The following COX7B2 variants were observed in gnomAD, a reference collection of about 807,000 sequenced individuals.
COX7B2 encodes the protein cytochrome c oxidase subunit 7B2.
For missense variants in COX7B2, 109 were observed against 95.9 expected (o/e 1.14, Z -0.57); for synonymous variants, 37 against 32.1 (o/e 1.15, Z -0.51).
chr4:46,866,029 T>C (rs1332160538), intron 1 of COX7B2, among the ~76,000 whole-genome samples: 2 of 152,166 alleles, frequency 1.3e-5, no homozygotes, highest in Admixed American at 6.5e-5. Flanking sequence ...TTTGCATCCA[T>C]TGCTGTGTTA....
At chr4:46,794,418 A>C (rs1017836453) in intron 2 of COX7B2, among the ~76,000 whole-genome samples, 5 of 152,164 alleles carry the variant, frequency 3.3e-5, no homozygotes, top group Non-Finnish European at 7.4e-5. Context: ...TTTAATATAT[A>C]GGAAGGTATT....
At chr4:46,778,210 C>T (rs979420343) in intron 2 of COX7B2, among the ~76,000 whole-genome samples, 1 of 152,106 alleles carries the variant, frequency 6.6e-6, no homozygotes, top group African/African-American at 2.4e-5. Context: ...TTTCAAGATT[C>T]TTTCTCAGAA....
chr4:46,841,777 G>A (rs532319455), intron 2 of COX7B2, among the ~76,000 whole-genome samples: 2 of 151,932 alleles, frequency 1.3e-5, no homozygotes, highest in Non-Finnish European at 2.9e-5. Flanking sequence ...GAGCTACTTA[G>A]TAGCCTTCAA....
chr4:46,768,100 T>C (rs1375127571), intron 2 of COX7B2, among the ~76,000 whole-genome samples: 21 of 152,298 alleles, frequency 1.4e-4, no homozygotes, highest in African/African-American at 5.1e-4. Flanking sequence ...TGTCCACGGA[T>C]TGCGTAAGTG....
intron 2 of COX7B2, among the ~76,000 whole-genome samples, chr4:46,801,127 T>C (rs1296396954): frequency 6.6e-6 from 1 of 152,188 alleles, no homozygotes; most frequent in Non-Finnish European, 1.5e-5. Context: ...AAAATGTTTA[T>C]ATATTCCTGG....
At chr4:46,792,940 A>C (rs1718127013) in intron 2 of COX7B2, among the ~76,000 whole-genome samples, 1 of 152,246 alleles carries the variant, frequency 6.6e-6, no homozygotes, top group South Asian at 2.1e-4. Flanking sequence ...AAATATCTGC[A>C]TTGGATACAC....
At chr4:46,737,772 C>A (rs1714450987) in intron 2 of COX7B2, among the ~76,000 whole-genome samples, 1 of 152,074 alleles carries the variant, frequency 6.6e-6, no homozygotes, top group Admixed American at 6.6e-5. Flanking sequence ...ACATAGGCAA[C>A]ACAGATATAA....
At chr4:46,780,738 A>C (rs1270211784) in intron 2 of COX7B2, among the ~76,000 whole-genome samples, 3 of 152,186 alleles carry the variant, frequency 2.0e-5, no homozygotes, top group African/African-American at 7.2e-5. Context: ...CTCCATAAAA[A>C]GACTAACTTT....
chr4:46,818,458 C>T (rs1003682893), intron 2 of COX7B2, among the ~76,000 whole-genome samples: 8 of 151,796 alleles, frequency 5.3e-5, no homozygotes, highest in African/African-American at 1.7e-4. Context: ...ACAGTGAAAC[C>T]CCGTCTCTAC....
At chr4:46,865,712 G>A (rs145972648) in intron 1 of COX7B2, among the ~76,000 whole-genome samples, 61 of 152,246 alleles carry the variant, frequency 4.0e-4, no homozygotes, top group African/African-American at 1.4e-3. Flanking sequence ...AATTCAGTGT[G>A]GGTGGGAGAA....
intron 1 of COX7B2, among the ~76,000 whole-genome samples, chr4:46,891,191 C>A (rs1425682991): frequency 3.9e-5 from 6 of 152,136 alleles, no homozygotes; most frequent in Non-Finnish European, 8.8e-5. Flanking sequence ...ATGGTAGAAA[C>A]AGATTTGGCA....
intron 2 of COX7B2, among the ~76,000 whole-genome samples, chr4:46,831,279 G>A (rs909257844): frequency 6.6e-6 from 1 of 152,154 alleles, no homozygotes; most frequent in Non-Finnish European, 1.5e-5. Context: ...TCCCCACACA[G>A]CAGCGCTCAG....
At chr4:46,781,815 G>A (rs186997246) in intron 2 of COX7B2, among the ~76,000 whole-genome samples, 39 of 152,350 alleles carry the variant, frequency 2.6e-4, no homozygotes, top group African/African-American at 8.2e-4. Flanking sequence ...GAGAGGCTTA[G>A]CACCCAAGCC....
Position 46,735,117 on chromosome 4 carries a change from T to C in COX7B2, c.76A>G (p.Ser26Gly). The C allele has an allele frequency of 6.2e-7, 1 of 1,613,696 alleles. No individual in the cohort carries two copies. Among genetic ancestry groups the C allele is most frequent in the Non-Finnish European group, 8.5e-7 (1 of 1,179,664 alleles). ...QSILQSMARH[S>G]HVKHSPDFHD... Reference sequence around the variant, plus strand: ...AAATCTGGTGAGTGTTTTACATGGCTATGTCTTGCCATGCTTTGCAGAATG... The same window carrying C: ...AAATCTGGTGAGTGTTTTACATGGCCATGTCTTGCCATGCTTTGCAGAATG... The change falls in exon 3 of 3, where the codon AGC becomes GGC. Residue 26 changes from serine (S) to glycine (G), a missense_variant. Physicochemically the swap from Ser to Gly is moderately conservative, Grantham distance 56 (BLOSUM62 0). Transcript: ENST00000355591.
At chr4:46,875,485 T>G (rs2109833683) in intron 1 of COX7B2, among the ~76,000 whole-genome samples, 1 of 152,288 alleles carries the variant, frequency 6.6e-6, no homozygotes, top group South Asian at 2.1e-4. Context: ...TACTGCCTAA[T>G]GACAGTTTTT....
At chr4:46,874,204 A>G (rs1718179287) in intron 1 of COX7B2, among the ~76,000 whole-genome samples, 1 of 152,244 alleles carries the variant, frequency 6.6e-6, no homozygotes, top group African/African-American at 2.4e-5. Context: ...ATAATTTAAA[A>G]CATAAGACCA....
chr4:46,818,009 T>C (rs558517021), intron 2 of COX7B2, among the ~76,000 whole-genome samples: 1 of 152,352 alleles, frequency 6.6e-6, no homozygotes, highest in East Asian at 1.9e-4. Flanking sequence ...TAGAGATTTC[T>C]TCCCAAAATA....
intron 2 of COX7B2, among the ~76,000 whole-genome samples, chr4:46,793,439 A>G (rs547144007): frequency 1.3e-5 from 2 of 152,220 alleles, no homozygotes; most frequent in South Asian, 4.2e-4. Flanking sequence ...TTTTTTATTA[A>G]GGTGAACTTT....
intron 1 of COX7B2, among the ~76,000 whole-genome samples, chr4:46,888,136 G>A (rs538207928): frequency 2.0e-5 from 3 of 152,260 alleles, no homozygotes; most frequent in Admixed American, 1.3e-4. Context: ...CTCAACAGGA[G>A]AAGCAAAGCG....
Sources: allele counts gnomAD v4.1 joint callset (sites outside exome capture counted in the v4.1 genomes callset), GRCh38; gene constraint gnomAD v4.1.1; transcripts MANE v1.5; gene names NCBI Gene and HGNC (gene_info 2026-07-23, HGNC 2026-07-21).